Variants in SCLT1 observed in about 807,000 individuals in gnomAD.
SCLT1 encodes the protein sodium channel-associated protein 1.
A neutral mutation model predicts 112.8 loss-of-function variants in SCLT1; 78 were observed. That is an observed-to-expected ratio of 0.69 (90% CI 0.58 to 0.83). The LOEUF (loss-of-function observed/expected upper bound fraction) is 0.83, where lower values mean the gene tolerates loss of function less well. Among genes scored for constraint, SCLT1 ranks in the 40% least tolerant of loss-of-function variants. The pLI, the probability that SCLT1 is intolerant of heterozygous loss-of-function variation, is 0.00. For missense variants in SCLT1, 747 were observed against 770.4 expected (o/e 0.97, Z 0.36); for synonymous variants, 257 against 254.7 (o/e 1.01, Z -0.09).
At chr4:129,056,189 T>C (rs865778810) in intron 2 of SCLT1, among the ~76,000 whole-genome samples, 3 of 152,214 alleles carry the variant, frequency 2.0e-5, no homozygotes, top group East Asian at 1.9e-4. Flanking sequence ...ACCTTCTGCA[T>C]TGGTCTCGCT....
chr4:129,086,175 T>G (rs1262623493), intron 1 of SCLT1, among the ~76,000 whole-genome samples: 2 of 152,146 alleles, frequency 1.3e-5, no homozygotes, highest in African/African-American at 4.8e-5. Flanking sequence ...GGAAACACTT[T>G]CAATCTTCAT....
intron 5 of SCLT1, among the ~76,000 whole-genome samples, chr4:129,027,211 A>G (rs1455115687): frequency 1.3e-5 from 2 of 152,354 alleles, no homozygotes; most frequent in Admixed American, 6.5e-5. Context: ...TGAGGCCAGC[A>G]TCATCCTGAT....
At chr4:128,890,254 T>G (rs563359158) in intron 19 of SCLT1, among the ~76,000 whole-genome samples, 1 of 152,334 alleles carries the variant, frequency 6.6e-6, no homozygotes, top group African/African-American at 2.4e-5. Flanking sequence ...TCCTTTTCTA[T>G]TCATCATTTT....
chr4:128,950,665 C>T (rs554304398), intron 14 of SCLT1, among the ~76,000 whole-genome samples: 4 of 151,844 alleles, frequency 2.6e-5, no homozygotes, highest in South Asian at 4.2e-4. Context: ...TCTGTGCTGC[C>T]GACCTAACCA....
chr4:129,020,130 T>C (rs995467616), intron 5 of SCLT1, among the ~76,000 whole-genome samples: 3 of 152,208 alleles, frequency 2.0e-5, no homozygotes, highest in Non-Finnish European at 4.4e-5. Context: ...GTATTAGACA[T>C]ATAAGGTTTT....
At chr4:129,091,612 C>T (rs1752828427) in intron 1 of SCLT1, among the ~76,000 whole-genome samples, 1 of 152,030 alleles carries the variant, frequency 6.6e-6, no homozygotes, top group South Asian at 2.1e-4. Flanking sequence ...CACTGCAAAC[C>T]TAAGAAATAA....
chr4:128,936,692 G>A lies in SCLT1; in HGVS notation c.1792C>T (p.Leu598Phe). The change falls in exon 18 of 21, where the codon CTT becomes TTT. Residue 598 changes from leucine (L) to phenylalanine (F), a missense_variant. Coordinates refer to ENST00000281142, the MANE Select transcript of SCLT1 (RefSeq NM_144643.4). ...ATTCTAATTTCTGCACTTTCAGTAA[G>A]TTTCTTCGTTTCTTCTTTCCACCTA... is the stretch of plus-strand genomic sequence containing the variant. ...ANRWKEETKK[L>F]TESAEIRINN... is the part of the protein sequence containing the mutation. 6.2e-7 allele frequency: 1 copy of A among 1,605,258 alleles called. No individual in the cohort carries two copies. Among genetic ancestry groups the A allele is most frequent in the South Asian group, 1.1e-5 (1 of 89,134 alleles).
chr4:128,940,026 C>A (rs1412748627), intron 17 of SCLT1, among the ~76,000 whole-genome samples: 1 of 151,956 alleles, frequency 6.6e-6, no homozygotes, highest in Non-Finnish European at 1.5e-5. Flanking sequence ...AAGCTAGATA[C>A]AGATTTGGTG....
At chr4:128,923,010 T>C (rs895250134) in intron 18 of SCLT1, among the ~76,000 whole-genome samples, 3 of 152,142 alleles carry the variant, frequency 2.0e-5, no homozygotes, top group African/African-American at 7.2e-5. Flanking sequence ...AGACAGTGAA[T>C]CATGCAAAGG....
intron 18 of SCLT1, among the ~76,000 whole-genome samples, chr4:128,934,726 T>C (rs1472527813): frequency 6.6e-6 from 1 of 151,922 alleles, no homozygotes; most frequent in Admixed American, 6.6e-5. Context: ...TTATTTTGGG[T>C]TTTTTACATA....
chr4:128,903,113 C>T (rs1734448153), intron 18 of SCLT1, among the ~76,000 whole-genome samples: 1 of 151,700 alleles, frequency 6.6e-6, no homozygotes, highest in African/African-American at 2.4e-5. Flanking sequence ...TCTAAGATAA[C>T]AATAAAAAGT....
chr4:129,016,132 T>C (rs1744973411), intron 5 of SCLT1, among the ~76,000 whole-genome samples: 1 of 152,208 alleles, frequency 6.6e-6, no homozygotes, highest in South Asian at 2.1e-4. Context: ...TGTATCTTAT[T>C]TCACTGACCA....
At chr4:128,873,353 ATAAGTT>A (rs1241612457) in intron 5 of SCLT1, 1 of 152,816 alleles carries the variant, frequency 6.5e-6, no homozygotes, top group Non-Finnish European at 1.5e-5. Flanking sequence ...TAGAAAGGCA[ATAAGTT>A]GCGATAAGCT....
intron 18 of SCLT1, among the ~76,000 whole-genome samples, chr4:128,931,637 T>A (rs1457809962): frequency 2.0e-5 from 3 of 152,258 alleles, no homozygotes; most frequent in Admixed American, 2.0e-4. Flanking sequence ...TAATTTTTTG[T>A]ATTTTTAGTA....
intron 18 of SCLT1, among the ~76,000 whole-genome samples, chr4:128,934,780 G>T (rs55726726): frequency 0.033 from 4,947 of 151,170 alleles, 220 homozygotes; most frequent in African/African-American, 0.1. Context: ...TCTTTCTTTC[G>T]GTTTTGTCAA....
intron 11 of SCLT1, among the ~76,000 whole-genome samples, chr4:128,964,701 A>G (rs1394561410): frequency 6.6e-6 from 1 of 152,174 alleles, no homozygotes; most frequent in Non-Finnish European, 1.5e-5. Flanking sequence ...TTATTTGCAG[A>G]AGTACAGAAT....
intron 5 of SCLT1, among the ~76,000 whole-genome samples, chr4:129,030,669 A>G (rs1746628840): frequency 6.6e-6 from 1 of 152,140 alleles, no homozygotes; most frequent in African/African-American, 2.4e-5. Context: ...TACCATTAGA[A>G]AATACTCTAA....
chr4:128,951,647 C>T (rs1329529976), intron 14 of SCLT1, among the ~76,000 whole-genome samples: 4 of 151,940 alleles, frequency 2.6e-5, no homozygotes, highest in Admixed American at 6.6e-5. Context: ...CACAAAGATA[C>T]GAATCTCTTG....
intron 2 of SCLT1, among the ~76,000 whole-genome samples, chr4:129,059,856 A>G (rs2125729572): frequency 6.6e-6 from 1 of 152,120 alleles, no homozygotes; most frequent in East Asian, 1.9e-4. Flanking sequence ...CTCATTGGGG[A>G]TGTTTGAACT....
Sources: allele counts gnomAD v4.1 joint callset (sites outside exome capture counted in the v4.1 genomes callset), GRCh38; gene constraint gnomAD v4.1.1; transcripts MANE v1.5; gene names NCBI Gene and HGNC (gene_info 2026-07-23, HGNC 2026-07-21).